The following RBMS3 variants were observed in gnomAD, a reference collection of about 807,000 sequenced individuals.
RBMS3 encodes RNA binding motif single stranded interacting protein 3, also known as RNA-binding motif, single-stranded-interacting protein 3.
A neutral mutation model predicts 66.8 loss-of-function variants in RBMS3; 27 were observed. The observed-to-expected ratio is 0.40, with a 90% CI of 0.30 to 0.56. RBMS3 has a LOEUF of 0.56. RBMS3 is among the 20% of genes least tolerant of loss of function. The pLI is 0.40. For missense variants in RBMS3, 513 were observed against 549.5 expected (o/e 0.93, Z 0.66); for synonymous variants, 188 against 183.0 (o/e 1.03, Z -0.22).
chr3:29,376,717 C>T (rs2038490157), intron 1 of RBMS3, among the ~76,000 whole-genome samples: 1 of 152,126 alleles, frequency 6.6e-6, no homozygotes, highest in African/African-American at 2.4e-5. Context: ...ACCATCCTGG[C>T]TAATATGGTG....
At chr3:29,517,938 C>A (rs575368004) in intron 3 of RBMS3, among the ~76,000 whole-genome samples, 1 of 152,226 alleles carries the variant, frequency 6.6e-6, no homozygotes, top group South Asian at 2.1e-4. Flanking sequence ...TCTTTATAAC[C>A]TTTTTCTTCC....
intron 10 of RBMS3, among the ~76,000 whole-genome samples, chr3:29,920,740 T>C (rs1386597529): frequency 1.3e-5 from 2 of 151,340 alleles, no homozygotes; most frequent in Non-Finnish European, 2.9e-5. Flanking sequence ...CTTTGGAAGG[T>C]GGAGGCAGGC....
At chr3:29,555,941 C>T (rs566073849) in intron 3 of RBMS3, among the ~76,000 whole-genome samples, 193 of 152,266 alleles carry the variant, frequency 1.3e-3, no homozygotes, top group African/African-American at 3.6e-3. Flanking sequence ...TTACCTGCTA[C>T]GGCTAAATCG....
intron 4 of RBMS3, among the ~76,000 whole-genome samples, chr3:29,613,962 A>G (rs1336676974): frequency 6.6e-6 from 1 of 152,152 alleles, no homozygotes; most frequent in Non-Finnish European, 1.5e-5. Context: ...GTGATCCAGC[A>G]ATCCCGCTGC....
At chr3:29,878,157 C>A (rs951369222) in intron 7 of RBMS3, among the ~76,000 whole-genome samples, 6 of 152,004 alleles carry the variant, frequency 3.9e-5, no homozygotes, top group Non-Finnish European at 1.5e-5. Context: ...CAATGAGAAT[C>A]GAATGCCCCT....
intron 1 of RBMS3, among the ~76,000 whole-genome samples, chr3:29,417,759 T>G (rs2164923): frequency 0.11 from 17,306 of 152,074 alleles, 1,403 homozygotes; most frequent in Admixed American, 0.25. Flanking sequence ...GTTTGAGAAT[T>G]TAAACTAGTT....
chr3:29,472,747 G>C (rs796602315), intron 2 of RBMS3, among the ~76,000 whole-genome samples: 1 of 152,006 alleles, frequency 6.6e-6, no homozygotes, highest in Non-Finnish European at 1.5e-5. Flanking sequence ...GCAGACCTTC[G>C]CGGTGAGTGT....
intron 4 of RBMS3, among the ~76,000 whole-genome samples, chr3:29,728,125 A>G (rs886169092): frequency 2.6e-5 from 4 of 151,046 alleles, no homozygotes; most frequent in Non-Finnish European, 4.4e-5. Flanking sequence ...CAAACACTGC[A>G]TGTTCTCACT....
intron 12 of RBMS3, among the ~76,000 whole-genome samples, chr3:29,962,065 A>G (rs955856921): frequency 1.4e-5 from 2 of 144,094 alleles, no homozygotes; most frequent in Non-Finnish European, 3.0e-5. Context: ...TATATAATAT[A>G]TTATTATATA....
intron 1 of RBMS3, among the ~76,000 whole-genome samples, chr3:29,385,230 C>A (rs9819772): frequency 0.27 from 41,416 of 151,830 alleles, 6,085 homozygotes; most frequent in African/African-American, 0.4. Flanking sequence ...GCTAAAGTGA[C>A]CACAGTTGTT....
chr3:29,414,397 AG>A (rs1430908217), intron 1 of RBMS3, among the ~76,000 whole-genome samples: 6 of 152,200 alleles, frequency 3.9e-5, no homozygotes, highest in Non-Finnish European at 8.8e-5. Flanking sequence ...ATAACCACCA[AG>A]GTCTTTTAGT....
intron 1 of RBMS3, among the ~76,000 whole-genome samples, chr3:29,309,219 A>G (rs2125461859): frequency 6.6e-6 from 1 of 151,824 alleles, no homozygotes; most frequent in South Asian, 2.1e-4. Flanking sequence ...TCCACCTGAA[A>G]AAAAGAGGAG....
In RBMS3 at chr3:29,404,581, C is replaced by T. The variant is rs577661492; in HGVS notation, c.76-30162C>T. Among the ~76,000 whole-genome samples the T allele has an allele frequency of 2.4e-4, 36 of 152,166 alleles. 1 individual carries two copies. The highest frequency in any genetic ancestry group is 3.3e-4 in the Admixed American group (5 of 15,276). On this transcript the variant is annotated intron_variant, in intron 1 of 14. Coordinates refer to ENST00000383767, the MANE Select transcript of RBMS3 (RefSeq NM_001003793.3). The stretch of plus-strand genomic sequence containing the variant: ...AACACTATTTTCAGAGTAGTGAGCT[C>T]TTTTGTTTCCATCAGCTACTTTGAA...
chr3:29,882,681 C>A (rs1012994779), intron 7 of RBMS3, among the ~76,000 whole-genome samples: 1 of 152,044 alleles, frequency 6.6e-6, no homozygotes, highest in Non-Finnish European at 1.5e-5. Context: ...TACTGTACAT[C>A]AGGCCCTCTG....
intron 8 of RBMS3, 79 bp downstream of exon 8, chr3:29,884,287 A>G (rs2059806790): frequency 7.2e-7 from 1 of 1,388,886 alleles, no homozygotes; most frequent in Non-Finnish European, 1.0e-6. Flanking sequence ...AAAATGTTAA[A>G]ATTTGTTTTG....
At chr3:29,623,318 C>T (rs1256153079) in intron 4 of RBMS3, among the ~76,000 whole-genome samples, 5 of 151,504 alleles carry the variant, frequency 3.3e-5, no homozygotes, top group African/African-American at 9.7e-5. Context: ...GTCGGCCGGG[C>T]GCGGTGGCTC....
chr3:29,592,854 T>C (rs2047797296), intron 4 of RBMS3, among the ~76,000 whole-genome samples: 1 of 151,880 alleles, frequency 6.6e-6, no homozygotes, highest in South Asian at 2.1e-4. Flanking sequence ...TCATGTCCTT[T>C]GTAGGGACAT....
intron 1 of RBMS3, among the ~76,000 whole-genome samples, chr3:29,395,079 G>T (rs551475383): frequency 6.6e-6 from 1 of 152,230 alleles, no homozygotes; most frequent in Non-Finnish European, 1.5e-5. Flanking sequence ...TGCTGGGTTG[G>T]GGGGGTTAAT....
At chr3:29,877,671 A>T (rs2059639314) in intron 7 of RBMS3, among the ~76,000 whole-genome samples, 1 of 152,180 alleles carries the variant, frequency 6.6e-6, no homozygotes, top group South Asian at 2.1e-4. Context: ...GTGAGAGCAG[A>T]TAACTACTGT....
Sources: gnomAD v4.1 joint callset for allele counts (sites outside exome capture counted in the v4.1 genomes callset) on GRCh38, gnomAD v4.1.1 for gene constraint, MANE v1.5 for transcripts, NCBI Gene and HGNC (gene_info 2026-07-23, HGNC 2026-07-21) for gene names.